RNF112: variants seen among roughly 807,000 people sequenced by gnomAD.
The protein encoded by RNF112 is ring finger protein 112.
RNF112 carries 34 observed loss-of-function variants against 64.7 expected under a neutral mutation model. The observed-to-expected ratio is 0.53, with a 90% CI of 0.40 to 0.70. RNF112 has a LOEUF of 0.70. Ranked by LOEUF, RNF112 falls within the 30% of genes least tolerant of loss-of-function variation. RNF112 has a pLI of 0.00. For synonymous variants in RNF112, 345 were observed against 344.5 expected (o/e 1.00, Z -0.02); for missense variants, 734 against 850.0 (o/e 0.86, Z 1.70).
chr17:19,415,026 T>A lies in RNF112; in HGVS notation c.1127-12T>A. ...AGCCCGCAGTCTCTCAGCATGCACATCTCTCCCTCAGACACAGATGATGAC... is the reference window on the plus strand; with the variant it reads ...AGCCCGCAGTCTCTCAGCATGCACAACTCTCCCTCAGACACAGATGATGAC... On this transcript the variant is annotated splice_polypyrimidine_tract_variant and intron_variant, in intron 10 of 13. Coordinates refer to ENST00000461366, the MANE Select transcript of RNF112 (RefSeq NM_007148.5). This position sits in a 1 kb window ranked among gnomAD's most constrained non-coding sequence, Gnocchi z 7.8. 1 of 1,584,588 alleles carries A rather than the reference T, an allele frequency of 6.3e-7. No individual in the cohort carries two copies. Among genetic ancestry groups the A allele is most frequent in the Non-Finnish European group, 8.6e-7 (1 of 1,162,662 alleles).
rs1384665994 is a variant in RNF112 at position 19,415,979 on chromosome 17, G to T, written c.1700G>T (p.Gly567Val). 1 of 1,571,426 alleles carries T rather than the reference G, an allele frequency of 6.4e-7. No homozygotes were observed. Among genetic ancestry groups the T allele is most frequent in the Admixed American group, 1.9e-5 (1 of 54,024 alleles). ...ATGGGCCTGGCAGGGGGCGTGGTGG[G>T]TGCTGGCATGGCAGCAGCTGCACTG... ...GLMGLAGGVVGAGMAAAALAA... is the reference protein window; with the variant it reads ...GLMGLAGGVVVAGMAAAALAA... Residue 567 changes from glycine to valine, a missense_variant, in exon 14 of 14, where the codon GGT becomes GTT. Transcript: ENST00000461366. The surrounding 1 kb of genome is among the most constrained non-coding windows in gnomAD (Gnocchi z 7.8).
In RNF112 at chr17:19,413,381, C is replaced by A. The variant is rs952507867; in HGVS notation, c.690C>A (p.His230Gln). The change falls in exon 5 of 14, where the codon CAC becomes CAA. Residue 230 changes from histidine to glutamine, a missense_variant. By Grantham distance (24) the His-to-Gln change is conservative (BLOSUM62 0). Coordinates refer to ENST00000461366, the MANE Select transcript of RNF112 (RefSeq NM_007148.5). This position sits in a 1 kb window ranked among gnomAD's most constrained non-coding sequence, Gnocchi z 5.9. The stretch of plus-strand genomic sequence containing the variant: ...CCAGGGGCATATGGATGTGGAGCCA[C>A]CCCTTCTTGCTGGGGAAAGAAGGGA... The part of the protein sequence containing the change: ...GLARGIWMWS[H>Q]PFLLGKEGKK... 6.2e-7 allele frequency: 1 copy of A among 1,612,658 alleles called. No homozygotes were observed. Among genetic ancestry groups the A allele is most frequent in the Non-Finnish European group, 8.5e-7 (1 of 1,179,180 alleles).
At chr17:19,411,750 A>G in intron 2 of RNF112, 80 bp downstream of exon 2, 1 of 1,429,024 alleles carries the variant, frequency 7.0e-7, no homozygotes, top group Non-Finnish European at 9.6e-7. Flanking sequence ...CCTGGAACAC[A>G]GAGCCCGGCA....
At position 19,413,578 on chromosome 17, in the gene RNF112, T is replaced by A; in HGVS notation, c.722T>A (p.Val241Glu). 2 of 1,612,410 alleles carry A rather than the reference T, an allele frequency of 1.2e-6. No homozygotes were observed. The highest frequency in any genetic ancestry group is 1.7e-6 in the Non-Finnish European group (2 of 1,179,152). Residue 241 changes from valine (V) to glutamate (E), a missense_variant and splice_region_variant, in exon 6 of 14, where the codon GTG becomes GAG. Coordinates refer to ENST00000461366, the MANE Select transcript of RNF112 (RefSeq NM_007148.5). This position sits in a 1 kb window ranked among gnomAD's most constrained non-coding sequence, Gnocchi z 5.9. ...PFLLGKEGKKVAVFLVDTGDA... is the reference protein window; with the variant it reads ...PFLLGKEGKKEAVFLVDTGDA... ...GGTCTTTCCCTACCCCCTGCATAGG[T>A]GGCGGTGTTCCTGGTGGACACAGGG...
At position 19,414,674 on chromosome 17, in the gene RNF112, G is replaced by A; in HGVS notation, c.1008+14G>A. 1 of 1,611,426 alleles carries A rather than the reference G, an allele frequency of 6.2e-7. No homozygotes were observed. Among genetic ancestry groups the A allele is most frequent in the Non-Finnish European group, 8.5e-7 (1 of 1,179,806 alleles). On this transcript the variant is annotated intron_variant, in intron 9 of 13. Coordinates refer to ENST00000461366, the MANE Select transcript of RNF112 (RefSeq NM_007148.5). ...AACATCTTCCAGGTGAGTGGTGCAA[G>A]GGGATGGGGTGGAGGGGCCATGGAC... is the stretch of plus-strand genomic sequence containing the variant.
rs1331702497 is a variant in RNF112, at chr17:19,413,562, C to T, written c.721-15C>T. ...CAGGCCTGGCCCCTTGGGTCTTTCC[C>T]TACCCCCTGCATAGGTGGCGGTGTT... On this transcript the variant is annotated splice_polypyrimidine_tract_variant and intron_variant, in intron 5 of 13. Transcript: ENST00000461366. This position sits in a 1 kb window ranked among gnomAD's most constrained non-coding sequence, Gnocchi z 5.9. 3 of 1,609,114 alleles carry T rather than the reference C, an allele frequency of 1.9e-6. No homozygotes were observed. Among genetic ancestry groups the T allele is most frequent in the Admixed American group, 1.7e-5 (1 of 59,562 alleles).
At position 19,414,939 on chromosome 17, in the gene RNF112, C is replaced by G. The variant is rs755508674; in HGVS notation, c.1126+52C>G. On this transcript the variant is annotated intron_variant, in intron 10 of 13. Coordinates refer to ENST00000461366, the MANE Select transcript of RNF112 (RefSeq NM_007148.5). ...TCTTGCGCTGCTCCCAGCTCCCCTC[C>G]GGCAACCGAGCCCCTTGAAGCACCC... The G allele has an allele frequency of 4.4e-6, 7 of 1,595,944 alleles. No homozygotes were observed. In the South Asian group the frequency reaches 4.4e-5, roughly 10 times the overall value.
In RNF112 at chr17:19,411,651, G is replaced by C. The variant is rs867222055; in HGVS notation, c.76G>C (p.Gly26Arg). ...GKRERKQSFMGNSGNSWSHTP... is the reference protein window; with the variant it reads ...GKRERKQSFMRNSGNSWSHTP... ...CAAGGAGAGAAAACAGAGCTTCATG[G>C]GAAACAGCGGCAACAGTTGGTAAGT... The change falls in exon 2 of 14, where the codon GGA becomes CGA. Residue 26 changes from glycine (G) to arginine (R), a missense_variant. Transcript: ENST00000461366. The C allele has an allele frequency of 6.4e-7, 1 of 1,572,814 alleles. No homozygotes were observed.
chr17:19,413,803 CT>C lies in RNF112; in HGVS notation c.825+124del. On this transcript the variant is annotated intron_variant, in intron 6 of 13. Transcript: ENST00000461366. This position sits in a 1 kb window ranked among gnomAD's most constrained non-coding sequence, Gnocchi z 5.9. ...GGGTCCTGATAGGTTCTGGGGCTGC[CT>C]TAGAAGGGGGAAGGTGCTCCTAGTT... The C allele has an allele frequency of 1.3e-6, 1 of 755,256 alleles. No homozygotes were observed. Among genetic ancestry groups the C allele is most frequent in the Non-Finnish European group, 2.1e-6 (1 of 472,294 alleles). 46.8% of individuals were successfully genotyped at this position (755,256 alleles called of 1,614,324 possible).
At chr17:19,414,015 T>G (rs1913773515) in intron 6 of RNF112, 80 bp from the exon 7 acceptor site, 7 of 1,253,576 alleles carry the variant, frequency 5.6e-6, no homozygotes, top group Non-Finnish European at 6.9e-6. Context: ...GCCTGCGAGC[T>G]CCCTACTCAC....
chr17:19,413,172 G>A lies in RNF112; in HGVS notation c.588+28G>A, dbSNP rs1368745823. The A allele has an allele frequency of 1.2e-6, 2 of 1,603,576 alleles. No homozygotes were observed. Among genetic ancestry groups the A allele is most frequent in the Non-Finnish European group, 1.7e-6 (2 of 1,174,018 alleles). ...GAGGGCGGGGCGGGGCAGGAGGGAG[G>A]CGGGGAGCAAGGATGGGGGTTCCTG... On this transcript the variant is annotated intron_variant, in intron 4 of 13. Transcript: ENST00000461366. This position sits in a 1 kb window ranked among gnomAD's most constrained non-coding sequence, Gnocchi z 5.9.
chr17:19,412,597 C>CG lies in RNF112; in HGVS notation c.196dup (p.Asp66GlyfsTer25). 1 of 1,613,334 alleles carries CG rather than the reference C, an allele frequency of 6.2e-7. No individual in the cohort carries two copies. Among genetic ancestry groups the CG allele is most frequent in the Non-Finnish European group, 8.5e-7 (1 of 1,179,756 alleles). Reference sequence around the variant, plus strand: ...GCTCCATCTGCCTGGAGAGGTTGCGCGACCCCATCTCGCTGGACTGTGGCC... The same window carrying CG: ...GCTCCATCTGCCTGGAGAGGTTGCGCGGACCCCATCTCGCTGGACTGTGGCC... On this transcript the variant is annotated frameshift_variant, in exon 3 of 14. Transcript: ENST00000461366. LOFTEE classifies it high-confidence loss of function. This position sits in a 1 kb window ranked among gnomAD's most constrained non-coding sequence, Gnocchi z 5.1.
In RNF112 at chr17:19,413,073, G is replaced by A. The variant is rs751605987; in HGVS notation, c.517G>A (p.Ala173Thr). The change falls in exon 4 of 14, where the codon GCT (alanine) becomes ACT (threonine). Residue 173 changes from alanine (A) to threonine (T), a missense_variant. By Grantham distance (58) the Ala-to-Thr change is moderately conservative (BLOSUM62 0). Transcript: ENST00000461366. This position sits in a 1 kb window ranked among gnomAD's most constrained non-coding sequence, Gnocchi z 5.9. ...CAGGGACACCCCAGTCTGCCTCCTC[G>A]CTGTCCTGGGGGAGCAGCACTCAGG... ...LARDTPVCLL[A>T]VLGEQHSGKS... 67 of 1,613,364 alleles carry A rather than the reference G, an allele frequency of 4.2e-5. No individual in the cohort carries two copies. Among genetic ancestry groups the A allele is most frequent in the Admixed American group, 2.0e-4 (12 of 59,984 alleles).
chr17:19,413,354 C>A lies in RNF112; in HGVS notation c.663C>A (p.Leu221=). 1 of 1,613,186 alleles carries A rather than the reference C, an allele frequency of 6.2e-7. No homozygotes were observed. The highest frequency in any genetic ancestry group is 8.5e-7 in the Non-Finnish European group (1 of 1,179,614). ...LQGCRWGANG[L]ARGIWMWSHP... Reference sequence around the variant, plus strand: ...GCTGCAGGTGGGGCGCCAATGGCCTCGCCAGGGGCATATGGATGTGGAGCC... The same window carrying A: ...GCTGCAGGTGGGGCGCCAATGGCCTAGCCAGGGGCATATGGATGTGGAGCC... Residue 221 remains leucine, a synonymous_variant, in exon 5 of 14, where the codon CTC becomes CTA. Transcript: ENST00000461366. This position sits in a 1 kb window ranked among gnomAD's most constrained non-coding sequence, Gnocchi z 5.9.
Position 19,412,794 on chromosome 17 carries a change from T to TG in RNF112, c.381+14dup. 6.2e-7 allele frequency: 1 copy of TG among 1,606,436 alleles called. No homozygotes were observed. The highest frequency in any genetic ancestry group is 8.5e-7 in the Non-Finnish European group (1 of 1,178,132). On this transcript the variant is annotated intron_variant, in intron 3 of 13. Transcript: ENST00000461366. This position sits in a 1 kb window ranked among gnomAD's most constrained non-coding sequence, Gnocchi z 5.1. ...CCCCCTGCACTGCAGGTCTGGGGAC[T>TG]GGGCCTAATCAGTCAGACCCAAGAG...
At chr17:19,414,340 G>C (rs1034798864) in intron 7 of RNF112, 109 bp from the exon 8 acceptor site, 3 of 1,366,744 alleles carry the variant, frequency 2.2e-6, no homozygotes, top group Non-Finnish European at 3.1e-6. Context: ...GCTGCAAAAG[G>C]GGGAGCCTAG....
Position 19,415,789 on chromosome 17 carries a change from A to G in RNF112, c.1510A>G (p.Ile504Val), listed in dbSNP as rs1913867578. 2 of 1,613,584 alleles carry G rather than the reference A, an allele frequency of 1.2e-6. No homozygotes were observed. The highest frequency in any genetic ancestry group is 1.7e-6 in the Non-Finnish European group (2 of 1,179,900). Residue 504 changes from isoleucine (I) to valine (V), a missense_variant, in exon 14 of 14, where the codon ATT (isoleucine) becomes GTT (valine). By Grantham distance (29) the Ile-to-Val change is conservative. Coordinates refer to ENST00000461366, the MANE Select transcript of RNF112 (RefSeq NM_007148.5). This position sits in a 1 kb window ranked among gnomAD's most constrained non-coding sequence, Gnocchi z 7.8. ...RNLLSTQKDA[I>V]LARHGVALLC... Reference sequence around the variant, plus strand: ...CCTCCTCTCCACCCAGAAAGATGCCATTCTGGCCCGCCATGGTGTGGCCTT... The same window carrying G: ...CCTCCTCTCCACCCAGAAAGATGCCGTTCTGGCCCGCCATGGTGTGGCCTT...
In RNF112 at chr17:19,416,100, A is replaced by C; in HGVS notation, c.1821A>C (p.Thr607=). 1 of 1,583,358 alleles carries C rather than the reference A, an allele frequency of 6.3e-7. No homozygotes were observed. The part of the protein sequence containing the change: ...GGGVGAGLAA[T]VGCMEKEEDE... ...GCGTGGGTGCTGGGTTGGCTGCCAC[A>C]GTGGGCTGCATGGAGAAGGAGGAGG... Residue 607 remains threonine (T), a synonymous_variant, in exon 14 of 14, where the codon ACA becomes ACC. Coordinates refer to ENST00000461366, the MANE Select transcript of RNF112 (RefSeq NM_007148.5).
chr17:19,414,913 C>T, intron 10 of RNF112, 26 bp downstream of exon 10: 1 of 1,605,784 alleles, frequency 6.2e-7, no homozygotes, highest in Non-Finnish European at 8.5e-7. Flanking sequence ...AGCTGAACCT[C>T]TCTTGCGCTG....
Sources: allele counts gnomAD v4.1 joint callset, GRCh38; gene constraint gnomAD v4.1.1; non-coding constraint Gnocchi (gnomAD v3.1); transcripts MANE v1.5; gene names NCBI Gene and HGNC (gene_info 2026-07-23, HGNC 2026-07-21).